CTNNA3: variants seen among roughly 807,000 people sequenced by gnomAD.
The protein encoded by CTNNA3 is catenin alpha-3.
In CTNNA3, 76 loss-of-function variants were observed where a neutral mutation model predicts 95.7. The observed-to-expected ratio is 0.79, with a 90% confidence interval of 0.66 to 0.96. The LOEUF (loss-of-function observed/expected upper bound fraction) is 0.96. Ranked by LOEUF, CTNNA3 falls within the 40% of genes least tolerant of loss-of-function variation. The probability of loss-of-function intolerance (pLI) is 0.00; values close to 1 mark genes in which losing one functional copy is unlikely to be tolerated. For synonymous variants in CTNNA3, 431 were observed against 374.4 expected (o/e 1.15, Z -1.74); for missense variants, 1,191 against 1,089.8 (o/e 1.09, Z -1.31).
At chr10:67,007,340 T>C (rs759578310) in intron 7 of CTNNA3, among the ~76,000 whole-genome samples, 5 of 152,306 alleles carry the variant, frequency 3.3e-5, no homozygotes, top group Admixed American at 6.5e-5. Context: ...TAGCTAACTT[T>C]AAAATAATTT....
At chr10:66,429,105 G>A (rs185879275) in intron 11 of CTNNA3, among the ~76,000 whole-genome samples, 1,566 of 149,470 alleles carry the variant, frequency 0.01, 32 homozygotes, top group African/African-American at 0.036. Flanking sequence ...ACAAACTACC[G>A]TCAGAGAATA....
chr10:66,772,429 A>C (rs1840127586), intron 8 of CTNNA3, among the ~76,000 whole-genome samples: 1 of 56,858 alleles, frequency 1.8e-5, no homozygotes, highest in East Asian at 1.3e-3. Flanking sequence ...TGTCTCAAAC[A>C]AAAAAAAAAA....
intron 6 of CTNNA3, among the ~76,000 whole-genome samples, chr10:67,208,528 C>A (rs1040723062): frequency 4.0e-5 from 6 of 151,798 alleles, no homozygotes. Flanking sequence ...AAAAGAAAGC[C>A]AAAAATTCTC....
At chr10:65,944,064 T>C (rs1251454401) in intron 17 of CTNNA3, among the ~76,000 whole-genome samples, 1 of 152,266 alleles carries the variant, frequency 6.6e-6, no homozygotes, top group Non-Finnish European at 1.5e-5. Context: ...CTAGGAATTG[T>C]TGCTAAAGCA....
intron 9 of CTNNA3, among the ~76,000 whole-genome samples, chr10:66,740,612 T>G (rs778888526): frequency 6.6e-6 from 1 of 152,234 alleles, no homozygotes; most frequent in African/African-American, 2.4e-5. Flanking sequence ...TACAGTTTGC[T>G]TTTCTCTGTG....
chr10:66,394,388 A>G (rs143310150), intron 11 of CTNNA3, among the ~76,000 whole-genome samples: 189 of 152,082 alleles, frequency 1.2e-3, no homozygotes, highest in African/African-American at 4.4e-3. Context: ...TCCTGACAAA[A>G]TAAACAAACA....
intron 5 of CTNNA3, among the ~76,000 whole-genome samples, chr10:67,503,988 T>C (rs981387650): frequency 3.5e-4 from 52 of 149,450 alleles, no homozygotes; most frequent in Admixed American, 2.1e-3. Context: ...AAACCCCGTC[T>C]CTACTAAAAA....
At chr10:67,413,128 T>G (rs1488056362) in intron 5 of CTNNA3, among the ~76,000 whole-genome samples, 1 of 151,866 alleles carries the variant, frequency 6.6e-6, no homozygotes, top group African/African-American at 2.4e-5. Flanking sequence ...ACCCACAAAC[T>G]CAACGTAAAA....
At chr10:66,202,163 T>C (rs1030995687) in intron 13 of CTNNA3, among the ~76,000 whole-genome samples, 3 of 152,202 alleles carry the variant, frequency 2.0e-5, no homozygotes, top group African/African-American at 7.2e-5. Context: ...AACATTTATG[T>C]ACTCTCTTTT....
intron 5 of CTNNA3, among the ~76,000 whole-genome samples, chr10:67,433,656 CAAAT>C (rs904805971): frequency 1.3e-5 from 2 of 151,788 alleles, no homozygotes; most frequent in Admixed American, 6.6e-5. Context: ...TTGAATGTAT[CAAAT>C]TAATATGTAT....
At chr10:66,955,610 T>C (rs1316561772) in intron 7 of CTNNA3, among the ~76,000 whole-genome samples, 1 of 152,132 alleles carries the variant, frequency 6.6e-6, no homozygotes, top group Admixed American at 6.6e-5. Context: ...AAATGTTGGA[T>C]GAATGGATAT....
intron 13 of CTNNA3, among the ~76,000 whole-genome samples, chr10:66,134,330 G>T (rs2083255715): frequency 6.6e-6 from 1 of 152,122 alleles, no homozygotes; most frequent in Admixed American, 6.5e-5. Context: ...CTGGTGGTTA[G>T]ATTGTAACAG....
At chr10:67,214,869 T>G (rs1864285788) in intron 6 of CTNNA3, among the ~76,000 whole-genome samples, 1 of 151,974 alleles carries the variant, frequency 6.6e-6, no homozygotes, top group Non-Finnish European at 1.5e-5. Context: ...AATATTCTTT[T>G]GGTCTTTGGC....
At chr10:66,853,468 A>G (rs75608665) in intron 7 of CTNNA3, among the ~76,000 whole-genome samples, 5,447 of 152,226 alleles carry the variant, frequency 0.036, 327 homozygotes, top group African/African-American at 0.12. Flanking sequence ...ACTCAACTTA[A>G]AAGTCATAAA....
chr10:66,816,325 T>C (rs1048440616), intron 7 of CTNNA3, among the ~76,000 whole-genome samples: 2 of 152,130 alleles, frequency 1.3e-5, no homozygotes, highest in Non-Finnish European at 2.9e-5. Flanking sequence ...TTGGTAGACG[T>C]ATATTCTGCC....
At chr10:66,110,973 G>C (rs951388981) in intron 13 of CTNNA3, among the ~76,000 whole-genome samples, 1 of 152,134 alleles carries the variant, frequency 6.6e-6, no homozygotes, top group East Asian at 1.9e-4. Flanking sequence ...GTAAATATTT[G>C]TGTATCTAAA....
intron 7 of CTNNA3, among the ~76,000 whole-genome samples, chr10:66,862,072 A>G (rs954844842): frequency 1.3e-5 from 2 of 152,020 alleles, no homozygotes; most frequent in African/African-American, 4.8e-5. Flanking sequence ...AAAATTAGCC[A>G]GGTGTGGTGG....
At chr10:66,400,467 C>T (rs1403380035) in intron 11 of CTNNA3, among the ~76,000 whole-genome samples, 2 of 152,066 alleles carry the variant, frequency 1.3e-5, no homozygotes, top group Non-Finnish European at 2.9e-5. Context: ...AATATACCCA[C>T]ACTAAGCACT....
At chr10:66,170,642 G>T (rs1319340376) in intron 13 of CTNNA3, among the ~76,000 whole-genome samples, 1 of 151,448 alleles carries the variant, frequency 6.6e-6, no homozygotes, top group East Asian at 1.9e-4. Context: ...AAGAAAAAAG[G>T]CACCAAGTAG....
Sources: gnomAD v4.1 joint callset for allele counts (sites outside exome capture counted in the v4.1 genomes callset) on GRCh38, gnomAD v4.1.1 for gene constraint, MANE v1.5 for transcripts, NCBI Gene and HGNC (gene_info 2026-07-23, HGNC 2026-07-21) for gene names.